Variants in GPR108 observed in about 807,000 individuals in gnomAD.
The protein encoded by GPR108 is G protein-coupled receptor 108.
In GPR108, 60 loss-of-function variants were observed where a neutral mutation model predicts 74.3. The observed-to-expected ratio is 0.81, with a 90% CI of 0.66 to 1.00. The LOEUF (loss-of-function observed/expected upper bound fraction) is 1.00. Ranked by LOEUF, GPR108 falls within the 50% of genes least tolerant of loss-of-function variation. The probability of loss-of-function intolerance (pLI) is 0.00; values close to 1 mark genes in which losing one functional copy is unlikely to be tolerated. For missense variants in GPR108, 667 were observed against 703.3 expected, an observed-to-expected ratio of 0.95 and a Z score of 0.58; for synonymous variants, 311 against 292.4, an observed-to-expected ratio of 1.06 and a Z score of -0.65.
At chr19:6,737,354 G>A (rs1026472217) in intron 1 of GPR108, 103 bp downstream of exon 1, 44 of 1,364,386 alleles carry the variant, frequency 3.2e-5, no homozygotes, top group Non-Finnish European at 3.3e-5. Context: ...CCACTCCACC[G>A]CCTCGGGGAC....
rs771581207 is a variant in GPR108 at position 6,733,685 on chromosome 19, G to A, written c.619-11C>T. The A allele has an allele frequency of 1.7e-5, 27 of 1,612,244 alleles. No individual in the cohort carries two copies. The highest frequency in any genetic ancestry group is 3.3e-4 in the Middle Eastern group (2 of 6,080). ...GATCACCACGTGGAACTGGGCGGGC[G>A]GGGAGAGAGGAGGGCTCAGCCTGGG... On this transcript the variant is annotated splice_polypyrimidine_tract_variant and intron_variant, in intron 7 of 17. Transcript: ENST00000264080.
At position 6,730,326 on chromosome 19, in the gene GPR108, G is replaced by A. The variant is rs1425177507; in HGVS notation, c.1618C>T (p.Arg540Trp). ...TGTGGAGGTGATCATAACAGTTCCC[G>A]CCCGCTGGCTGTTTTGTTGACTTTG... ...LSKVNKTASG[R>W]ELL The change falls in exon 18 of 18, where the codon CGG (arginine) becomes TGG (tryptophan). Residue 540 changes from arginine (R) to tryptophan (W), a missense_variant. Coordinates refer to ENST00000264080, the MANE Select transcript of GPR108 (RefSeq NM_001080452.2). The A allele has an allele frequency of 6.2e-7, 1 of 1,613,722 alleles. No homozygotes were observed. Among genetic ancestry groups the A allele is most frequent in the Non-Finnish European group, 8.5e-7 (1 of 1,179,756 alleles).
At position 6,731,096 on chromosome 19, in the gene GPR108, A is replaced by G; in HGVS notation, c.1450T>C (p.Ser484Pro). ...GTGAGCACGAAGAAGGCCAGGGTGG[A>G]GCCCTCCACCAAGAGCTGGGGGACG... is the stretch of plus-strand genomic sequence containing the variant. Reference protein sequence around the residue: ...QWLYQLLVEGSTLAFFVLTGY... With the variant: ...QWLYQLLVEGPTLAFFVLTGY... The change falls in exon 17 of 18, where the codon TCC (serine) becomes CCC (proline). Residue 484 changes from serine to proline, a missense_variant. Physicochemically the swap from Ser to Pro is moderately conservative, Grantham distance 74. Coordinates refer to ENST00000264080, the MANE Select transcript of GPR108 (RefSeq NM_001080452.2). The G allele has an allele frequency of 6.2e-7, 1 of 1,613,192 alleles. No individual in the cohort carries two copies. Among genetic ancestry groups the G allele is most frequent in the South Asian group, 1.1e-5 (1 of 91,068 alleles).
intron 2 of GPR108, 147 bp from the exon 3 acceptor site, chr19:6,736,105 T>C: frequency 2.8e-6 from 2 of 723,562 alleles, no homozygotes; most frequent in Non-Finnish European, 4.5e-6. Flanking sequence ...TTTTTTAGAG[T>C]TGGGGTGGTG....
chr19:6,731,551 G>A (rs1309000081), intron 14 of GPR108, 29 bp from the exon 15 acceptor site: 2 of 1,284,656 alleles, frequency 1.6e-6, no homozygotes, highest in Non-Finnish European at 2.1e-6. Flanking sequence ...AGGGCGGTCA[G>A]GGGAGACTGA....
At chr19:6,732,691 A>G in intron 10 of GPR108, 142 bp from the exon 11 acceptor site, 1 of 721,494 alleles carries the variant, frequency 1.4e-6, no homozygotes, top group Non-Finnish European at 2.4e-6. Context: ...GGTGGGACTC[A>G]AAACTGGTAA....
At position 6,733,485 on chromosome 19, in the gene GPR108, A is replaced by C. The variant is rs889596527; in HGVS notation, c.723+85T>G. 29 of 1,457,710 alleles carry C rather than the reference A, an allele frequency of 2.0e-5. No individual in the cohort carries two copies. In the South Asian group the frequency reaches 3.2e-4, roughly 16 times the overall value. 90.3% of individuals were successfully genotyped at this position (1,457,710 alleles called of 1,614,324 possible). A position where few individuals can be genotyped will look rare whatever the true frequency, so the allele number is the denominator to read the frequency against. ...CTACTTCGCACCCGGGAGGGCTGGG[A>C]AAAGCTAAGCGGGGTGAGGCACTCT... On this transcript the variant is annotated intron_variant, in intron 8 of 17. Coordinates refer to ENST00000264080, the MANE Select transcript of GPR108 (RefSeq NM_001080452.2).
Position 6,733,152 on chromosome 19 carries a change from G to A in GPR108, c.857+16C>T, listed in dbSNP as rs959694100. On this transcript the variant is annotated intron_variant, in intron 9 of 17. Coordinates refer to ENST00000264080, the MANE Select transcript of GPR108 (RefSeq NM_001080452.2). ...GGTGAAGGGACGTGGGGGACCCTCA[G>A]GGGCAGGGGCATTACGTGTTCCTGC... The A allele has an allele frequency of 6.2e-7, 1 of 1,613,940 alleles. No individual in the cohort carries two copies. Among genetic ancestry groups the A allele is most frequent in the Non-Finnish European group, 8.5e-7 (1 of 1,179,990 alleles).
Position 6,730,282 on chromosome 19 carries a change from A to G in GPR108, c.*30T>C, listed in dbSNP as rs73500312. ...CAGGAGTGAGAAATGCTGGGGGAGG[A>G]CGACCCTTTGGTCTGAGATGTGGAG... On this transcript the variant is annotated 3_prime_UTR_variant, in exon 18 of 18. Coordinates refer to ENST00000264080, the MANE Select transcript of GPR108 (RefSeq NM_001080452.2). 3 of 1,599,210 alleles carry G rather than the reference A, an allele frequency of 1.9e-6. No individual in the cohort carries two copies. The highest frequency in any genetic ancestry group is 4.5e-5 in the East Asian group (2 of 44,798).
intron 17 of GPR108, chr19:6,730,586 GCCCCGCCC>G: frequency 1.7e-6 from 1 of 577,878 alleles, no homozygotes; most frequent in South Asian, 2.0e-5. Context: ...AACCACCTAG[GCCCCGCCC>G]CCAGCAGCCC....
intron 2 of GPR108, among the ~76,000 whole-genome samples, 190 bp downstream of exon 2, chr19:6,736,402 C>T (rs1968636263): frequency 1.3e-5 from 2 of 152,298 alleles, no homozygotes; most frequent in South Asian, 4.1e-4. Context: ...CCCGCCTGTC[C>T]CCCAAGTCTT....
rs1323311940 is a variant in GPR108 at position 6,736,600 on chromosome 19, A to C, written c.232T>G (p.Ser78Ala). 6.2e-7 allele frequency: 1 copy of C among 1,613,564 alleles called. No homozygotes were observed. The highest frequency in any genetic ancestry group is 8.5e-7 in the Non-Finnish European group (1 of 1,179,868). ...RLGLREAEEKSLLVGFSLSRV... is the reference protein window; with the variant it reads ...RLGLREAEEKALLVGFSLSRV... ...TCCTCAAGGTCCCTCACCAGCAGGG[A>C]CTTCTCTTCTGCCTCCCGGAGGCCC... The change falls in exon 2 of 18, where the codon TCC (serine) becomes GCC (alanine). Residue 78 changes from serine to alanine, a missense_variant. By Grantham distance (99) the Ser-to-Ala change is moderately conservative. Coordinates refer to ENST00000264080, the MANE Select transcript of GPR108 (RefSeq NM_001080452.2).
intron 4 of GPR108, among the ~76,000 whole-genome samples, chr19:6,734,995 C>T (rs2145491193): frequency 6.6e-6 from 1 of 152,088 alleles, no homozygotes; most frequent in African/African-American, 2.4e-5. Flanking sequence ...ATCCTCTCAC[C>T]TCAGCTTCCA....
rs762263436 is a variant in GPR108 at position 6,730,254 on chromosome 19, G to C, written c.*58C>G. On this transcript the variant is annotated 3_prime_UTR_variant, in exon 18 of 18. Coordinates refer to ENST00000264080, the MANE Select transcript of GPR108 (RefSeq NM_001080452.2). ...CCTCCCCACATACGCTGTGGAAGAA[G>C]GGCAGGAGTGAGAAATGCTGGGGGA... is the stretch of plus-strand genomic sequence containing the variant. 7 of 1,488,168 alleles carry C rather than the reference G, an allele frequency of 4.7e-6. No individual in the cohort carries two copies. In the Admixed American group the frequency reaches 1.0e-4, roughly 21 times the overall value. 92.2% of individuals were successfully genotyped at this position (1,488,168 alleles called of 1,614,324 possible).
In GPR108 at chr19:6,732,290, C is replaced by T. The variant is rs761416532; in HGVS notation, c.1098G>A (p.Lys366=). 1 of 1,612,922 alleles carries T rather than the reference C, an allele frequency of 6.2e-7. No homozygotes were observed. The highest frequency in any genetic ancestry group is 8.5e-7 in the Non-Finnish European group (1 of 1,180,022). Residue 366 remains lysine (K), a synonymous_variant, in exon 12 of 18, where the codon AAG becomes AAA. Coordinates refer to ENST00000264080, the MANE Select transcript of GPR108 (RefSeq NM_001080452.2). ...GCATGGGGATCACGATCCCAAAGAC[C>T]TTCTTCTCCTTATCCGACAGGACGT... The part of the protein sequence containing the change: ...IKYVLSDKEK[K]VFGIVIPMQV...
intron 17 of GPR108, 64 bp downstream of exon 17, chr19:6,730,922 GT>G: frequency 3.3e-6 from 1 of 300,680 alleles, no homozygotes. Flanking sequence ...CACCCTGCCC[GT>G]AGAGCTGCCC....
At position 6,732,296 on chromosome 19, in the gene GPR108, C is replaced by G; in HGVS notation, c.1092G>C (p.Glu364Asp). The change falls in exon 12 of 18, where the codon GAG becomes GAC. Residue 364 changes from glutamate to aspartate, a missense_variant. Transcript: ENST00000264080. The part of the protein sequence containing the change: ...AFIKYVLSDK[E>D]KKVFGIVIPM... ...GGATCACGATCCCAAAGACCTTCTT[C>G]TCCTTATCCGACAGGACGTACTTGA... 1 of 1,613,028 alleles carries G rather than the reference C, an allele frequency of 6.2e-7. No homozygotes were observed.
intron 3 of GPR108, 32 bp from the exon 4 acceptor site, chr19:6,735,736 G>A: frequency 6.3e-7 from 1 of 1,593,324 alleles, no homozygotes; most frequent in Non-Finnish European, 8.6e-7. Context: ...GTGAGTCTTG[G>A]TTACTCCTCT....
At position 6,732,988 on chromosome 19, in the gene GPR108, C is replaced by A. The variant is rs374065015; in HGVS notation, c.932G>T (p.Ser311Ile). 2.5e-6 allele frequency: 4 copies of A among 1,593,362 alleles called. No homozygotes were observed. The African/African-American group carries it at 5.4e-5, about 21-fold the overall frequency. Residue 311 changes from serine to isoleucine, a missense_variant and splice_region_variant, in exon 10 of 18, where the codon AGC becomes ATC. Transcript: ENST00000264080. ...FTKSISLLFH[S>I]INYYFINSQG... The stretch of plus-strand genomic sequence containing the variant: ...TGCTCCCCGGTCCAAGGCTCTCACG[C>A]TGTGGAAGAGGAGAGAGATGCTCTT...
Sources: allele counts gnomAD v4.1 joint callset (sites outside exome capture counted in the v4.1 genomes callset), GRCh38; gene constraint gnomAD v4.1.1; transcripts MANE v1.5; gene names NCBI Gene and HGNC (gene_info 2026-07-23, HGNC 2026-07-21).